Variants in CDH9 observed in about 807,000 individuals in gnomAD.
CDH9 encodes cadherin 9.
Under a neutral mutation model 70.9 loss-of-function variants are expected in CDH9, and 28 were observed. The ratio of observed to expected loss-of-function variants is 0.40; its 90% CI spans 0.29 to 0.54. The LOEUF (loss-of-function observed/expected upper bound fraction) is 0.54, where lower values mean the gene tolerates loss of function less well. Ranked by LOEUF, CDH9 falls within the 20% of genes least tolerant of loss-of-function variation. The pLI, the probability that CDH9 is intolerant of heterozygous loss-of-function variation, is 0.59. For synonymous variants in CDH9, 409 were observed against 343.1 expected, an observed-to-expected ratio of 1.19 and a Z score of -2.12; for missense variants, 874 against 984.4, an observed-to-expected ratio of 0.89 and a Z score of 1.50.
intron 1 of CDH9, among the ~76,000 whole-genome samples, chr5:27,027,516 A>G (rs1743239278): frequency 6.6e-6 from 1 of 152,034 alleles, no homozygotes; most frequent in Non-Finnish European, 1.5e-5. Context: ...CAATGTAGTT[A>G]CTGCTAATAT....
At chr5:26,985,595 G>A (rs1742475780) in intron 2 of CDH9, among the ~76,000 whole-genome samples, 1 of 151,632 alleles carries the variant, frequency 6.6e-6, no homozygotes. Flanking sequence ...TACAGCACCT[G>A]TAAATTAATA....
intron 2 of CDH9, among the ~76,000 whole-genome samples, chr5:26,934,430 A>C (rs1188585067): frequency 6.6e-6 from 1 of 152,074 alleles, no homozygotes; most frequent in Non-Finnish European, 1.5e-5. Flanking sequence ...GTGCCACTGC[A>C]CTCTAGCCTC....
chr5:26,979,166 C>G (rs1742355403), intron 2 of CDH9, among the ~76,000 whole-genome samples: 1 of 150,578 alleles, frequency 6.6e-6, no homozygotes, highest in African/African-American at 2.5e-5. Context: ...TAAACATTAA[C>G]AATGCATTAT....
intron 2 of CDH9, among the ~76,000 whole-genome samples, chr5:26,946,848 G>A (rs894234233): frequency 3.9e-5 from 6 of 152,162 alleles, no homozygotes; most frequent in East Asian, 3.9e-4. Context: ...AATGACTACC[G>A]AATCCTCAGC....
intron 2 of CDH9, among the ~76,000 whole-genome samples, chr5:26,940,199 T>C (rs1229922028): frequency 4.6e-5 from 7 of 151,674 alleles, no homozygotes; most frequent in Admixed American, 4.6e-4. Context: ...TTTGACAAAT[T>C]ACCTAGTAAA....
At chr5:26,986,641 A>T (rs1742492768) in intron 2 of CDH9, among the ~76,000 whole-genome samples, 1 of 152,086 alleles carries the variant, frequency 6.6e-6, no homozygotes, top group Non-Finnish European at 1.5e-5. Flanking sequence ...TGAATCTCCA[A>T]GGATAAAACT....
chr5:26,915,665 A>G lies in CDH9; in HGVS notation c.488T>C (p.Leu163Ser). Residue 163 changes from leucine (L) to serine (S), a missense_variant, in exon 3 of 12, where the codon TTA (leucine) becomes TCA (serine). Transcript: ENST00000231021. ...CATTTCAGGAACACTGGCAGTGTAT[A>G]AGTCTTTTGTAAATTTTGGCTCATT... The part of the protein sequence containing the change: ...NDNEPKFTKD[L>S]YTASVPEMSG... The G allele has an allele frequency of 6.2e-7, 1 of 1,605,130 alleles. No individual in the cohort carries two copies. Among genetic ancestry groups the G allele is most frequent in the Non-Finnish European group, 8.5e-7 (1 of 1,171,924 alleles).
At chr5:26,927,899 A>G (rs1328892708) in intron 2 of CDH9, among the ~76,000 whole-genome samples, 2 of 152,024 alleles carry the variant, frequency 1.3e-5, no homozygotes, top group East Asian at 3.9e-4. Context: ...CCACAGCACA[A>G]ACATTTATGT....
Position 26,912,556 on chromosome 5 carries a change from GT to G in CDH9, c.523+3073del, listed in dbSNP as rs1741072594. Among the ~76,000 whole-genome samples the G allele has an allele frequency of 3.3e-5, 5 of 151,112 alleles. No homozygotes were observed. The South Asian group carries it at 1.0e-3, about 32-fold the overall frequency. ...GATATGTATGTATTAAAATGCAGGG[GT>G]TTTATCCCCTTATATTCTTATTTAG... On this transcript the variant is annotated intron_variant, in intron 3 of 11. Coordinates refer to ENST00000231021, the MANE Select transcript of CDH9 (RefSeq NM_016279.4).
At chr5:26,890,090 C>T (rs1290100521) in intron 8 of CDH9, 133 bp from the exon 9 acceptor site, 3 of 781,426 alleles carry the variant, frequency 3.8e-6, no homozygotes, top group South Asian at 1.6e-5. Context: ...ATGAATATCT[C>T]AGCTCTCTTA....
intron 2 of CDH9, among the ~76,000 whole-genome samples, chr5:26,965,178 T>A (rs1297473654): frequency 4.6e-5 from 7 of 152,134 alleles, no homozygotes; most frequent in African/African-American, 1.7e-4. Context: ...ATTAAGTTAT[T>A]CTATCAAAAA....
At chr5:26,957,528 G>C (rs1161265583) in intron 2 of CDH9, among the ~76,000 whole-genome samples, 3 of 152,080 alleles carry the variant, frequency 2.0e-5, no homozygotes, top group East Asian at 3.9e-4. Flanking sequence ...CGGGCGTGGA[G>C]GTATGCGCCT....
rs5866812 is a variant in CDH9, at chr5:26,943,512, C to CA, written c.229-27589dup. On this transcript the variant is annotated intron_variant, in intron 2 of 11. Transcript: ENST00000231021. ...TGGGCAACAGAGTGAGACTCCATCT[C>CA]AAAAAAAAAAAAAAAAGCTAACTCA... 4.7e-3 allele frequency among the ~76,000 whole-genome samples: 575 copies of CA among 122,148 alleles called. 5 individuals are homozygous for CA. The highest frequency in any genetic ancestry group is 0.017 in the African/African-American group (532 of 31,790). The allele number at this position is 122,148 out of a possible 152,430, so 80.1% of individuals were successfully genotyped here. A position where few individuals can be genotyped will look rare whatever the true frequency, so the allele number is the denominator to read the frequency against.
intron 2 of CDH9, among the ~76,000 whole-genome samples, chr5:26,952,166 G>C (rs973812166): frequency 6.7e-5 from 10 of 149,672 alleles, no homozygotes; most frequent in African/African-American, 2.4e-4. Flanking sequence ...GTTTCACCTT[G>C]CTGGCCAGGC....
intron 2 of CDH9, among the ~76,000 whole-genome samples, chr5:26,985,163 C>T (rs1742467622): frequency 6.6e-6 from 1 of 152,102 alleles, no homozygotes; most frequent in African/African-American, 2.4e-5. Flanking sequence ...TAACTTTATC[C>T]TATTAGACCA....
In CDH9 at chr5:26,885,871, G is replaced by A; in HGVS notation, c.1631-6C>T. ...CATGATTCCTGCTGTATTATCTGGG[G>A]GAGAAAACATGTAAAAAAACAAAAA... On this transcript the variant is annotated splice_region_variant and splice_polypyrimidine_tract_variant and intron_variant, in intron 10 of 11. Transcript: ENST00000231021. The A allele has an allele frequency of 6.2e-7, 1 of 1,610,240 alleles. No homozygotes were observed. The highest frequency in any genetic ancestry group is 8.5e-7 in the Non-Finnish European group (1 of 1,178,140).
intron 2 of CDH9, among the ~76,000 whole-genome samples, chr5:26,970,773 A>G (rs1302589928): frequency 1.3e-5 from 2 of 151,910 alleles, no homozygotes; most frequent in Admixed American, 6.6e-5. Context: ...AAAAAATCTC[A>G]TTTTGCAAAA....
At chr5:27,006,597 T>C (rs528657538) in intron 1 of CDH9, among the ~76,000 whole-genome samples, 1 of 152,294 alleles carries the variant, frequency 6.6e-6, no homozygotes, top group East Asian at 1.9e-4. Flanking sequence ...TGTAAGAGGC[T>C]CATTCTGTTG....
At chr5:26,954,484 ACGCCATT>A (rs1340669892) in intron 2 of CDH9, among the ~76,000 whole-genome samples, 1 of 140,258 alleles carries the variant, frequency 7.1e-6, no homozygotes, top group Non-Finnish European at 1.5e-5. Context: ...TCCCGGGTTC[ACGCCATT>A]CGCCTGCCTC....
Sources: allele counts gnomAD v4.1 joint callset (sites outside exome capture counted in the v4.1 genomes callset), GRCh38; gene constraint gnomAD v4.1.1; transcripts MANE v1.5; gene names NCBI Gene and HGNC (gene_info 2026-07-23, HGNC 2026-07-21).